PLXDC1: variants seen among roughly 807,000 people sequenced by gnomAD.
The protein encoded by PLXDC1 is plexin domain containing 1.
Under a neutral mutation model 61.3 loss-of-function variants are expected in PLXDC1, and 39 were observed. The ratio of observed to expected loss-of-function variants is 0.64; its 90% CI spans 0.49 to 0.83. The LOEUF is 0.83. PLXDC1 is among the 40% of genes least tolerant of loss of function. The probability of loss-of-function intolerance (pLI) is 0.00; values close to 1 mark genes in which losing one functional copy is unlikely to be tolerated. For missense variants in PLXDC1, 596 were observed against 666.5 expected (o/e 0.89, Z 1.17); for synonymous variants, 212 against 254.5 (o/e 0.83, Z 1.59).
chr17:39,141,659 G>A (rs906826471), intron 1 of PLXDC1, among the ~76,000 whole-genome samples: 7 of 152,186 alleles, frequency 4.6e-5, no homozygotes, highest in African/African-American at 9.7e-5. Flanking sequence ...ACCCAGAAGC[G>A]GAATTGCTGG....
intron 2 of PLXDC1, among the ~76,000 whole-genome samples, chr17:39,124,884 G>A (rs1228493758): frequency 2.0e-5 from 3 of 152,180 alleles, no homozygotes; most frequent in Non-Finnish European, 4.4e-5. Context: ...TGCCACCTCA[G>A]CTTACTGCAA....
At chr17:39,083,288 G>T (rs1433853271) in intron 9 of PLXDC1, among the ~76,000 whole-genome samples, 171 bp downstream of exon 9, 1 of 152,188 alleles carries the variant, frequency 6.6e-6, no homozygotes, top group African/African-American at 2.4e-5. Context: ...TCCCTAAATG[G>T]TCTTCCAGAA....
chr17:39,112,447 T>C (rs1377399024), intron 2 of PLXDC1, among the ~76,000 whole-genome samples: 1 of 141,994 alleles, frequency 7.0e-6, no homozygotes, highest in Admixed American at 8.0e-5. Context: ...GCCCATCTTT[T>C]TTTTTCTTTC....
At chr17:39,152,133 C>G (rs2045377968), upstream of PLXDC1, among the ~76,000 whole-genome samples, 1 of 148,086 alleles carries the variant, frequency 6.8e-6, no homozygotes, top group East Asian at 2.1e-4. Flanking sequence ...CTTTTCTCCC[C>G]AAGAGGGGCC....
chr17:39,148,514 G>A (rs1242859111), intron 1 of PLXDC1, among the ~76,000 whole-genome samples: 2 of 151,716 alleles, frequency 1.3e-5, no homozygotes, highest in African/African-American at 4.8e-5. Context: ...CTGAGTAACT[G>A]AGATTACAGG....
At chr17:39,086,954 A>T (rs1029365473) in intron 8 of PLXDC1, among the ~76,000 whole-genome samples, 8 of 152,010 alleles carry the variant, frequency 5.3e-5, no homozygotes, top group African/African-American at 1.7e-4. Context: ...GGGGCACCAC[A>T]AGATGGGAGA....
At chr17:39,075,161 G>C (rs1377422870) in intron 11 of PLXDC1, among the ~76,000 whole-genome samples, 1 of 152,140 alleles carries the variant, frequency 6.6e-6, no homozygotes, top group Non-Finnish European at 1.5e-5. Context: ...GTTTTGCCAT[G>C]TTGCCCAGGC....
At chr17:39,118,837 G>A (rs1485282843) in intron 2 of PLXDC1, among the ~76,000 whole-genome samples, 1 of 152,184 alleles carries the variant, frequency 6.6e-6, no homozygotes, top group Non-Finnish European at 1.5e-5. Flanking sequence ...GTGAAATTGG[G>A]AAACTGAGAA....
chr17:39,078,842 C>T lies in PLXDC1; in HGVS notation c.1050+262G>A, dbSNP rs558498397. On this transcript the variant is annotated intron_variant, in intron 10 of 13. Transcript: ENST00000315392. Reference sequence around the variant, plus strand: ...TGCCCAACATCCCCTCTGCATGCACCAAAAGAATTCCTTGAGAGCTGCCCA... The same window carrying T: ...TGCCCAACATCCCCTCTGCATGCACTAAAAGAATTCCTTGAGAGCTGCCCA... Among the ~76,000 whole-genome samples the T allele has an allele frequency of 1.2e-4, 19 of 152,296 alleles. No individual in the cohort carries two copies. The South Asian group carries it at 3.7e-3, about 30-fold the overall frequency.
intron 7 of PLXDC1, among the ~76,000 whole-genome samples, chr17:39,089,949 C>T (rs1376679362): frequency 1.3e-5 from 2 of 152,110 alleles, no homozygotes; most frequent in Non-Finnish European, 2.9e-5. Flanking sequence ...AGGTGCCCAC[C>T]ACCACACCTG....
intron 1 of PLXDC1, among the ~76,000 whole-genome samples, chr17:39,142,417 G>A (rs1911963534): frequency 6.6e-6 from 1 of 152,222 alleles, no homozygotes; most frequent in African/African-American, 2.4e-5. Flanking sequence ...GGATTGGAAA[G>A]TGACTACACA....
chr17:39,130,682 C>A (rs1461254091), intron 2 of PLXDC1, among the ~76,000 whole-genome samples: 2 of 152,002 alleles, frequency 1.3e-5, no homozygotes, highest in Non-Finnish European at 2.9e-5. Context: ...CCTGCCTCAG[C>A]CTCCCAAGCA....
intron 7 of PLXDC1, among the ~76,000 whole-genome samples, chr17:39,091,616 A>G (rs781364194): frequency 2.3e-4 from 35 of 152,060 alleles, no homozygotes; most frequent in Non-Finnish European, 4.0e-4. Flanking sequence ...TTTATGAGAG[A>G]GGAGATGAGC....
intron 1 of PLXDC1, among the ~76,000 whole-genome samples, chr17:39,145,009 C>G (rs1000666156): frequency 6.6e-6 from 1 of 152,160 alleles, no homozygotes; most frequent in Admixed American, 6.5e-5. Context: ...AACTGAGGCA[C>G]AAAGACGTTA....
intron 11 of PLXDC1, among the ~76,000 whole-genome samples, chr17:39,077,410 G>T (rs113898208): frequency 6.6e-6 from 1 of 152,302 alleles, no homozygotes; most frequent in Non-Finnish European, 1.5e-5. Flanking sequence ...AATAGTCAGG[G>T]TGGATGGACA....
At chr17:39,071,407 T>G (rs975157070) in intron 12 of PLXDC1, among the ~76,000 whole-genome samples, 1 of 152,162 alleles carries the variant, frequency 6.6e-6, no homozygotes, top group African/African-American at 2.4e-5. Context: ...TGGCAAGTTT[T>G]AATGGGATGT....
At chr17:39,136,144 T>C (rs1251740258) in intron 2 of PLXDC1, among the ~76,000 whole-genome samples, 1 of 152,078 alleles carries the variant, frequency 6.6e-6, no homozygotes, top group Admixed American at 6.6e-5. Context: ...GTCCTTCCAC[T>C]CCACCATCTC....
chr17:39,106,755 T>G (rs1211541100), intron 6 of PLXDC1, among the ~76,000 whole-genome samples: 1 of 151,174 alleles, frequency 6.6e-6, no homozygotes, highest in African/African-American at 2.4e-5. Context: ...GTTCAAGCGA[T>G]TCTCCTGCCT....
chr17:39,095,911 C>T (rs1910176962), intron 7 of PLXDC1, among the ~76,000 whole-genome samples: 1 of 152,130 alleles, frequency 6.6e-6, no homozygotes. Context: ...ACGATCCACC[C>T]GCCTCGGCCT....
Sources: gnomAD v4.1 joint callset for allele counts (sites outside exome capture counted in the v4.1 genomes callset) on GRCh38, gnomAD v4.1.1 for gene constraint, MANE v1.5 for transcripts, NCBI Gene and HGNC (gene_info 2026-07-23, HGNC 2026-07-21) for gene names.